The following CNBD2 variants were observed in gnomAD, a reference collection of about 807,000 sequenced individuals.
CNBD2 encodes the protein cyclic nucleotide binding domain containing 2.
CNBD2 carries 64 observed loss-of-function variants against 63.7 expected under a neutral mutation model. That is an observed-to-expected ratio of 1.00 (90% CI 0.82 to 1.24). The LOEUF (loss-of-function observed/expected upper bound fraction) is 1.24. CNBD2 is among the 50% of genes most tolerant of loss of function. The probability of loss-of-function intolerance (pLI) is 0.00; values close to 1 mark genes in which losing one functional copy is unlikely to be tolerated. For synonymous variants in CNBD2, 229 were observed against 255.4 expected (o/e 0.90, Z 0.99); for missense variants, 691 against 713.5 (o/e 0.97, Z 0.36).
rs147104811 is a variant in CNBD2 at position 35,972,023 on chromosome 20, T to C, written c.52-606T>C. Among the ~76,000 whole-genome samples, 415 of 152,294 alleles carry C rather than the reference T, an allele frequency of 2.7e-3. 6 individuals are homozygous for C. In the East Asian group the frequency reaches 0.048, roughly 18 times the overall value. ...TGGCTGCCATAACAAATTACCACAATTTGATGGCTTAAAACAAAGCAAATT... is the reference window on the plus strand; with the variant it reads ...TGGCTGCCATAACAAATTACCACAACTTGATGGCTTAAAACAAAGCAAATT... On this transcript the variant is annotated intron_variant, in intron 1 of 11. Coordinates refer to ENST00000373973, the MANE Select transcript of CNBD2 (RefSeq NM_001365709.1).
intron 7 of CNBD2, among the ~76,000 whole-genome samples, chr20:35,991,113 A>T (rs1257824803): frequency 6.6e-6 from 1 of 152,202 alleles, no homozygotes; most frequent in African/African-American, 2.4e-5. Context: ...ATTTAATAAC[A>T]TTGAATTTAT....
intron 8 of CNBD2, among the ~76,000 whole-genome samples, chr20:36,003,516 A>G (rs2056944636): frequency 6.6e-6 from 1 of 152,154 alleles, no homozygotes; most frequent in African/African-American, 2.4e-5. Context: ...AAGTAAAACC[A>G]TTTTGTGTAT....
chr20:36,006,274 C>T (rs569700473), intron 8 of CNBD2, among the ~76,000 whole-genome samples: 18 of 151,966 alleles, frequency 1.2e-4, no homozygotes, highest in Non-Finnish European at 1.8e-4. Context: ...TTGATCTGCC[C>T]GCCTCGGCCT....
intron 8 of CNBD2, among the ~76,000 whole-genome samples, chr20:35,998,043 T>TTTC (rs905436695): frequency 2.1e-5 from 3 of 145,444 alleles, no homozygotes; most frequent in South Asian, 2.2e-4. Flanking sequence ...TCTTTTTCTT[T>TTTC]TTTTTTTTTT....
At chr20:35,972,594 G>T in intron 1 of CNBD2, 35 bp from the exon 2 acceptor site, 2 of 1,609,936 alleles carry the variant, frequency 1.2e-6, no homozygotes, top group South Asian at 1.1e-5. Context: ...GAGAACAGAT[G>T]GTTTCTATTG....
chr20:36,011,022 T>G lies in CNBD2; in HGVS notation c.1149-115T>G. 5 of 1,133,890 alleles carry G rather than the reference T, an allele frequency of 4.4e-6. No homozygotes were observed. In the South Asian group the frequency reaches 1.4e-4, roughly 32 times the overall value. 70.2% of individuals were successfully genotyped at this position (1,133,890 alleles called of 1,614,324 possible). A position where few individuals can be genotyped will look rare whatever the true frequency, so the allele number is the denominator to read the frequency against. On this transcript the variant is annotated intron_variant, in intron 9 of 11. Coordinates refer to ENST00000373973, the MANE Select transcript of CNBD2 (RefSeq NM_001365709.1). Reference sequence around the variant, plus strand: ...AGTTTTCTCGCCTTCTGGGAAGTTGTGAATTCCCCAGGGAGGGGAGCCCTC... The same window carrying G: ...AGTTTTCTCGCCTTCTGGGAAGTTGGGAATTCCCCAGGGAGGGGAGCCCTC...
At chr20:35,985,140 T>TAA (rs749838745) in intron 6 of CNBD2, among the ~76,000 whole-genome samples, 2 of 151,106 alleles carry the variant, frequency 1.3e-5, no homozygotes, top group Non-Finnish European at 2.9e-5. Context: ...AAATAAAAAA[T>TAA]TAAAAAAAAT....
At chr20:35,984,446 TAAG>T (rs767086486) in intron 5 of CNBD2, among the ~76,000 whole-genome samples, 178 bp from the exon 6 acceptor site, 17 of 152,148 alleles carry the variant, frequency 1.1e-4, no homozygotes, top group African/African-American at 1.7e-4. Flanking sequence ...AGCAGCAGAT[TAAG>T]AAGAAGGGGA....
intron 10 of CNBD2, among the ~76,000 whole-genome samples, chr20:36,013,942 GA>G (rs2057098390): frequency 6.6e-6 from 1 of 152,070 alleles, no homozygotes; most frequent in East Asian, 1.9e-4. Context: ...AGCACTTTGG[GA>G]GGCCGAGGAG....
intron 8 of CNBD2, among the ~76,000 whole-genome samples, chr20:36,001,405 C>T (rs1395196166): frequency 1.3e-5 from 2 of 148,468 alleles, no homozygotes; most frequent in Non-Finnish European, 1.5e-5. Flanking sequence ...GGCGGCTGGC[C>T]GGGCAGAGGG....
At position 35,990,630 on chromosome 20, in the gene CNBD2, AAAAAT is replaced by A. The variant is rs569917950; in HGVS notation, c.855+3106_855+3110del. Among the ~76,000 whole-genome samples the A allele has an allele frequency of 4.2e-4, 64 of 151,268 alleles. 1 individual carries two copies. The East Asian group carries it at 0.011, about 27-fold the overall frequency. On this transcript the variant is annotated intron_variant, in intron 7 of 11. Transcript: ENST00000373973. ...GCAACAGAATGAGACTCCATCTCAAAAAAATAAAATAAATAAAAACAAATAAAAGC... is the reference window on the plus strand; with the variant it reads ...GCAACAGAATGAGACTCCATCTCAAAAAAATAAATAAAAACAAATAAAAGC...
intron 11 of CNBD2, among the ~76,000 whole-genome samples, chr20:36,028,685 GT>G (rs148778050): frequency 2.9e-5 from 4 of 140,144 alleles, no homozygotes; most frequent in East Asian, 2.1e-4. Flanking sequence ...TCACGGGCTG[GT>G]TTTTTTTGGG....
At chr20:35,954,429 G>T (rs41293096), upstream of CNBD2, 1 of 1,550,364 alleles carries the variant, frequency 6.5e-7, no homozygotes, top group East Asian at 2.4e-5. Flanking sequence ...GGGACCGGCC[G>T]AGAGTGTGCG....
chr20:35,984,131 G>A lies in CNBD2; in HGVS notation c.557G>A (p.Cys186Tyr), dbSNP rs780525738. ...CCGAAATTGCTGCACAAGGGTAGCTGTTTTGGGGTAAGCCCAGGGGAAGGA... is the reference window on the plus strand; with the variant it reads ...CCGAAATTGCTGCACAAGGGTAGCTATTTTGGGGTAAGCCCAGGGGAAGGA... Reference protein sequence around the residue: ...PHPKLLHKGSCFGEMDVLHAS... With the variant: ...PHPKLLHKGSYFGEMDVLHAS... Residue 186 changes from cysteine to tyrosine, a missense_variant, in exon 5 of 12, where the codon TGT (cysteine) becomes TAT (tyrosine). Transcript: ENST00000373973. 1.9e-6 allele frequency: 3 copies of A among 1,603,550 alleles called. No individual in the cohort carries two copies. Among genetic ancestry groups the A allele is most frequent in the Admixed American group, 3.4e-5 (2 of 59,176 alleles).
At chr20:35,975,458 G>A (rs1223053943) in intron 2 of CNBD2, among the ~76,000 whole-genome samples, 7 of 97,826 alleles carry the variant, frequency 7.2e-5, no homozygotes, top group East Asian at 2.5e-4. Flanking sequence ...CCGCTACCAC[G>A]CCCGGCTAAT....
chr20:35,976,967 T>C (rs2056529174), intron 3 of CNBD2, among the ~76,000 whole-genome samples: 1 of 152,160 alleles, frequency 6.6e-6, no homozygotes, highest in South Asian at 2.1e-4. Context: ...TTGCCTCTCC[T>C]GGGCACAGCC....
chr20:36,028,373 A>C (rs143902188), intron 11 of CNBD2, among the ~76,000 whole-genome samples: 1 of 152,182 alleles, frequency 6.6e-6, no homozygotes, highest in East Asian at 1.9e-4. Context: ...GCCTTTCTAG[A>C]CTGCTAAAAC....
intron 1 of CNBD2, among the ~76,000 whole-genome samples, chr20:35,970,453 G>C (rs2056396697): frequency 6.6e-6 from 1 of 152,136 alleles, no homozygotes; most frequent in South Asian, 2.1e-4. Context: ...CTGGAGTGCA[G>C]TGGCGCAATT....
downstream of CNBD2, among the ~76,000 whole-genome samples, chr20:35,956,134 G>A (rs2056254516): frequency 1.3e-5 from 2 of 152,236 alleles, no homozygotes; most frequent in Non-Finnish European, 2.9e-5. Context: ...GCCCGTGCAG[G>A]ATGGAGGAGC....
Sources: gnomAD v4.1 joint callset for allele counts (sites outside exome capture counted in the v4.1 genomes callset) on GRCh38, gnomAD v4.1.1 for gene constraint, MANE v1.5 for transcripts, NCBI Gene and HGNC (gene_info 2026-07-23, HGNC 2026-07-21) for gene names.